Variants in NOS1AP observed in about 807,000 individuals in gnomAD.
NOS1AP encodes carboxyl-terminal PDZ ligand of neuronal nitric oxide synthase protein.
Under a neutral mutation model 56.2 loss-of-function variants are expected in NOS1AP, and 21 were observed. The observed-to-expected ratio is 0.37, with a 90% CI of 0.26 to 0.54. The LOEUF is 0.54. Ranked by LOEUF, NOS1AP falls within the 20% of genes least tolerant of loss-of-function variation. NOS1AP has a pLI of 0.84. For missense variants in NOS1AP, 522 were observed against 657.8 expected (o/e 0.79, Z 2.26); for synonymous variants, 270 against 274.6 (o/e 0.98, Z 0.17).
Position 162,099,250 on chromosome 1 carries a change from C to T in NOS1AP, c.105+28968C>T, listed in dbSNP as rs191652283. Among the ~76,000 whole-genome samples, 96 of 150,866 alleles carry T rather than the reference C, an allele frequency of 6.4e-4. No individual in the cohort carries two copies. In the Middle Eastern group the frequency reaches 0.01, roughly 16 times the overall value. The stretch of plus-strand genomic sequence containing the variant: ...TCTGCCAGGCTGCAGTGCAGTGGCA[C>T]GACCTCGGCTCACTGCAAGCTCCGC... On this transcript the variant is annotated intron_variant, in intron 1 of 9. Transcript: ENST00000361897.
chr1:162,305,473 G>A (rs896966652), intron 4 of NOS1AP, among the ~76,000 whole-genome samples: 1 of 151,504 alleles, frequency 6.6e-6, no homozygotes, highest in African/African-American at 2.4e-5. Context: ...TTCATTAAAC[G>A]AAAGTAAATT....
intron 2 of NOS1AP, among the ~76,000 whole-genome samples, chr1:162,286,875 T>C (rs988320679): frequency 1.3e-5 from 2 of 152,216 alleles, no homozygotes; most frequent in African/African-American, 4.8e-5. Context: ...ATTGAACTTT[T>C]AGAGAGTAAT....
intron 8 of NOS1AP, among the ~76,000 whole-genome samples, chr1:162,362,751 G>C (rs1362342309): frequency 6.6e-6 from 1 of 152,168 alleles, no homozygotes; most frequent in Non-Finnish European, 1.5e-5. Context: ...CCTTCTCTGA[G>C]GCTTATCTGT....
At chr1:162,300,203 C>G (rs1197023008) in intron 3 of NOS1AP, among the ~76,000 whole-genome samples, 1 of 152,154 alleles carries the variant, frequency 6.6e-6, no homozygotes, top group African/African-American at 2.4e-5. Flanking sequence ...GCAAGCACTA[C>G]GATTGAATCC....
intron 4 of NOS1AP, among the ~76,000 whole-genome samples, chr1:162,328,445 G>A (rs1656662861): frequency 6.6e-6 from 1 of 152,180 alleles, no homozygotes. Context: ...AAGAGGAGTA[G>A]CCTTGTTCTC....
chr1:162,185,367 G>A (rs1651395460), intron 2 of NOS1AP, among the ~76,000 whole-genome samples: 2 of 152,238 alleles, frequency 1.3e-5, no homozygotes, highest in South Asian at 2.1e-4. Flanking sequence ...GGTGACATTA[G>A]TTGTGAGCTC....
chr1:162,072,253 A>G (rs1318912171), intron 1 of NOS1AP, among the ~76,000 whole-genome samples: 2 of 152,176 alleles, frequency 1.3e-5, no homozygotes, highest in Non-Finnish European at 2.9e-5. Context: ...AATTTGATAC[A>G]TCTTGGGGGA....
At chr1:162,111,609 C>T (rs1486785734) in intron 1 of NOS1AP, among the ~76,000 whole-genome samples, 1 of 152,132 alleles carries the variant, frequency 6.6e-6, no homozygotes, top group East Asian at 1.9e-4. Context: ...GCGTCTTAAA[C>T]GGCATCAAGT....
intron 1 of NOS1AP, among the ~76,000 whole-genome samples, chr1:162,107,161 T>G (rs980318229): frequency 2.0e-5 from 3 of 152,066 alleles, no homozygotes; most frequent in African/African-American, 7.2e-5. Context: ...GTCTAAGAAA[T>G]AAGAGAATAC....
At chr1:162,342,841 A>G (rs910654408) in intron 5 of NOS1AP, among the ~76,000 whole-genome samples, 2 of 152,136 alleles carry the variant, frequency 1.3e-5, no homozygotes, top group African/African-American at 4.8e-5. Flanking sequence ...TGAATGTTAG[A>G]CTTGAGTATA....
chr1:162,299,175 C>CA (rs1655563841), intron 3 of NOS1AP, among the ~76,000 whole-genome samples: 1 of 152,100 alleles, frequency 6.6e-6, no homozygotes, highest in Non-Finnish European at 1.5e-5. Context: ...TGGAAAGCAG[C>CA]CTAATGTGTG....
At chr1:162,360,980 G>A (rs1025139499) in intron 8 of NOS1AP, 5 of 454,462 alleles carry the variant, frequency 1.1e-5, no homozygotes, top group African/African-American at 8.0e-5. Context: ...GGTGGGTTGA[G>A]GGTGGGTTTC....
intron 2 of NOS1AP, among the ~76,000 whole-genome samples, chr1:162,216,933 A>G (rs1652590018): frequency 1.3e-5 from 2 of 152,180 alleles, no homozygotes; most frequent in Non-Finnish European, 2.9e-5. Context: ...ACATATAGCA[A>G]ATTTAAAGGT....
intron 1 of NOS1AP, among the ~76,000 whole-genome samples, chr1:162,106,945 T>C (rs760417499): frequency 4.6e-5 from 7 of 152,168 alleles, no homozygotes; most frequent in Non-Finnish European, 1.0e-4. Context: ...ATATTTTTTA[T>C]GAAATATGCG....
In NOS1AP at chr1:162,188,093, T is replaced by C. The variant is rs997378116; in HGVS notation, c.177+33617T>C. 2.6e-5 allele frequency among the ~76,000 whole-genome samples: 4 copies of C among 152,188 alleles called. No homozygotes were observed. The highest frequency in any genetic ancestry group is 5.9e-5 in the Non-Finnish European group (4 of 68,024). On this transcript the variant is annotated intron_variant, in intron 2 of 9. Transcript: ENST00000361897. The surrounding 1 kb of genome is among the most constrained non-coding windows in gnomAD (Gnocchi z 4.0). ...AAGCCAAAACCAGTTTAATTACCCA[T>C]TGACTGTTTTCCCATCTGCCTAGTA...
intron 2 of NOS1AP, 108 bp from the exon 3 acceptor site, chr1:162,287,236 C>T: frequency 1.3e-6 from 1 of 779,600 alleles, no homozygotes; most frequent in Non-Finnish European, 2.3e-6. Context: ...GGAGCTATTC[C>T]CCACACCTGT....
intron 3 of NOS1AP, among the ~76,000 whole-genome samples, chr1:162,296,740 C>T (rs1655475446): frequency 6.6e-6 from 1 of 152,206 alleles, no homozygotes; most frequent in South Asian, 2.1e-4. Context: ...GTCTTAGTTA[C>T]ATTCTATAGA....
intron 2 of NOS1AP, among the ~76,000 whole-genome samples, chr1:162,168,048 G>A (rs1405665758): frequency 6.6e-6 from 1 of 151,178 alleles, no homozygotes; most frequent in South Asian, 2.1e-4. Context: ...ATTGATGTTA[G>A]TTGTTATATA....
At chr1:162,112,863 C>T (rs1478228571) in intron 1 of NOS1AP, among the ~76,000 whole-genome samples, 1 of 152,108 alleles carries the variant, frequency 6.6e-6, no homozygotes, top group Non-Finnish European at 1.5e-5. Flanking sequence ...ATAATAGCAC[C>T]TTTTTGCATA....
Sources: gnomAD v4.1 joint callset for allele counts (sites outside exome capture counted in the v4.1 genomes callset) on GRCh38, gnomAD v4.1.1 for gene constraint, Gnocchi (gnomAD v3.1) non-coding constraint, MANE v1.5 for transcripts, NCBI Gene and HGNC (gene_info 2026-07-23, HGNC 2026-07-21) for gene names.